Variants in PACSIN2 observed in about 807,000 individuals in gnomAD.
PACSIN2 encodes the protein protein kinase C and casein kinase substrate in neurons 2, also known as protein kinase C and casein kinase substrate in neurons protein 2.
Under a neutral mutation model 63.8 loss-of-function variants are expected in PACSIN2, and 25 were observed. That is an observed-to-expected ratio of 0.39 (90% CI 0.29 to 0.55). PACSIN2 has a LOEUF of 0.55. Among genes scored for constraint, PACSIN2 ranks in the 20% least tolerant of loss-of-function variants. The pLI, the probability that PACSIN2 is intolerant of heterozygous loss-of-function variation, is 0.62. For missense variants in PACSIN2, 518 were observed against 646.9 expected, an observed-to-expected ratio of 0.80 and a Z score of 2.16; for synonymous variants, 255 against 256.2, an observed-to-expected ratio of 1.00 and a Z score of 0.05.
intron 1 of PACSIN2, among the ~76,000 whole-genome samples, chr22:42,985,380 C>T (rs756953245): frequency 1.3e-5 from 2 of 152,228 alleles, no homozygotes; most frequent in South Asian, 2.1e-4. Context: ...GACTGGCTGT[C>T]TCCCACAAGC....
At chr22:42,894,354 C>T (rs577113694) in intron 2 of PACSIN2, among the ~76,000 whole-genome samples, 2 of 152,094 alleles carry the variant, frequency 1.3e-5, no homozygotes, top group African/African-American at 2.4e-5. Flanking sequence ...GATTCTTCTG[C>T]CTCAGCCTCC....
intron 1 of PACSIN2, among the ~76,000 whole-genome samples, chr22:42,929,376 A>T (rs920858177): frequency 9.2e-5 from 14 of 152,232 alleles, no homozygotes; most frequent in African/African-American, 3.4e-4. Context: ...ATCTTGCAAA[A>T]CCAGTAAAAA....
At chr22:42,885,040 G>A (rs187921354) in intron 5 of PACSIN2, among the ~76,000 whole-genome samples, 174 of 152,254 alleles carry the variant, frequency 1.1e-3, no homozygotes, top group African/African-American at 4.1e-3. Flanking sequence ...CAGGAAGAAG[G>A]CATTCAAAAA....
In PACSIN2 at chr22:42,875,858, G is replaced by C. The variant is rs1569204019; in HGVS notation, c.1348+279C>G. On this transcript the variant is annotated intron_variant, in intron 10 of 10. Coordinates refer to ENST00000263246, the MANE Select transcript of PACSIN2 (RefSeq NM_001184970.3). Reference sequence around the variant, plus strand: ...GGCCTAATTTTTTGTATTTTTTGTAGAGACAGGTTTTGCCATTTTGCCCAG... The same window carrying C: ...GGCCTAATTTTTTGTATTTTTTGTACAGACAGGTTTTGCCATTTTGCCCAG... Among the ~76,000 whole-genome samples, 4 of 152,120 alleles carry C rather than the reference G, an allele frequency of 2.6e-5. No homozygotes were observed. In the South Asian group the frequency reaches 8.3e-4, roughly 32 times the overall value.
intron 1 of PACSIN2, among the ~76,000 whole-genome samples, chr22:43,010,892 G>A (rs1465775560): frequency 2.0e-5 from 3 of 152,230 alleles, no homozygotes; most frequent in African/African-American, 7.2e-5. Context: ...TGTTTTATGT[G>A]TGCTTTTCAT....
intron 1 of PACSIN2, among the ~76,000 whole-genome samples, chr22:43,011,076 A>G (rs1253088798): frequency 6.6e-6 from 1 of 152,238 alleles, no homozygotes; most frequent in East Asian, 1.9e-4. Flanking sequence ...TTCTGCAGAA[A>G]TTCCTACAAA....
intron 1 of PACSIN2, among the ~76,000 whole-genome samples, chr22:42,992,792 C>G (rs1051581288): frequency 1.3e-5 from 2 of 152,184 alleles, no homozygotes; most frequent in Admixed American, 6.5e-5. Context: ...ATGAAACTAA[C>G]TGATAAATGC....
intron 1 of PACSIN2, among the ~76,000 whole-genome samples, chr22:43,011,726 A>T (rs1196361745): frequency 2.0e-5 from 3 of 151,976 alleles, no homozygotes; most frequent in African/African-American, 7.3e-5. Flanking sequence ...AAAATACAAA[A>T]ACTAACCAGG....
chr22:42,992,569 G>A (rs1923113936), intron 1 of PACSIN2, among the ~76,000 whole-genome samples: 1 of 152,126 alleles, frequency 6.6e-6, no homozygotes, highest in Non-Finnish European at 1.5e-5. Context: ...GCAACATAGG[G>A]AGACTCTGTC....
chr22:42,985,933 A>T (rs1455979745), intron 1 of PACSIN2, among the ~76,000 whole-genome samples: 3 of 123,422 alleles, frequency 2.4e-5, no homozygotes, highest in Non-Finnish European at 4.8e-5. Context: ...TTACAGGGCC[A>T]CTATAGAGCC....
intron 1 of PACSIN2, among the ~76,000 whole-genome samples, chr22:42,979,549 A>G (rs1921936174): frequency 6.6e-6 from 1 of 150,644 alleles, no homozygotes; most frequent in Admixed American, 6.6e-5. Context: ...AAAAAAGGAA[A>G]GAAAAGAAAA....
chr22:42,965,922 A>C (rs55682747), intron 1 of PACSIN2, among the ~76,000 whole-genome samples: 7 of 150,886 alleles, frequency 4.6e-5, no homozygotes, highest in African/African-American at 1.7e-4. Flanking sequence ...TAAATAAATA[A>C]ATAATCATAA....
chr22:42,980,286 T>C (rs2146882648), intron 1 of PACSIN2, among the ~76,000 whole-genome samples: 1 of 152,278 alleles, frequency 6.6e-6, no homozygotes, highest in African/African-American at 2.4e-5. Flanking sequence ...GGCCAAGGCA[T>C]GAGGACTGCT....
At chr22:42,974,773 A>G (rs1336670750) in intron 1 of PACSIN2, among the ~76,000 whole-genome samples, 1 of 150,818 alleles carries the variant, frequency 6.6e-6, no homozygotes, top group Non-Finnish European at 1.5e-5. Flanking sequence ...AAAGAAAAGA[A>G]AAGAGAAGAA....
chr22:42,992,020 A>G (rs1039997453), intron 1 of PACSIN2, among the ~76,000 whole-genome samples: 2 of 152,238 alleles, frequency 1.3e-5, no homozygotes, highest in African/African-American at 4.8e-5. Context: ...TGACTTCAGC[A>G]AATGTTTAAA....
chr22:42,910,275 T>A (rs186589620), intron 2 of PACSIN2, among the ~76,000 whole-genome samples: 33 of 152,278 alleles, frequency 2.2e-4, no homozygotes, highest in African/African-American at 7.9e-4. Flanking sequence ...CAGCCAGCAA[T>A]GTCACTACAG....
intron 1 of PACSIN2, among the ~76,000 whole-genome samples, chr22:42,976,294 A>G (rs1460963517): frequency 4.6e-5 from 7 of 152,190 alleles, no homozygotes; most frequent in Admixed American, 1.3e-4. Flanking sequence ...AACCCCAGGA[A>G]TTCCTGGTTC....
intron 1 of PACSIN2, among the ~76,000 whole-genome samples, chr22:43,014,321 TACACACACACACACAC>T (rs139728514): frequency 3.8e-5 from 5 of 130,554 alleles, no homozygotes; most frequent in East Asian, 2.1e-4. Context: ...CCCCCCGCCC[TACACACACACACACAC>T]ACACACACAC....
chr22:43,014,910 T>G (rs1924785796), intron 1 of PACSIN2, 111 bp downstream of exon 1: 1 of 147,074 alleles, frequency 6.8e-6, no homozygotes, highest in Non-Finnish European at 1.5e-5. Flanking sequence ...GGCGCGGAGC[T>G]CGGCGCGGCG....
Sources: gnomAD v4.1 joint callset for allele counts (sites outside exome capture counted in the v4.1 genomes callset) on GRCh38, gnomAD v4.1.1 for gene constraint, MANE v1.5 for transcripts, NCBI Gene and HGNC (gene_info 2026-07-23, HGNC 2026-07-21) for gene names.